The following SFMBT2 variants were observed in gnomAD, a reference collection of about 807,000 sequenced individuals.
The protein encoded by SFMBT2 is scm-like with four MBT domains protein 2.
In SFMBT2, 38 loss-of-function variants were observed where a neutral mutation model predicts 110.1. That is an observed-to-expected ratio of 0.35 (90% confidence interval 0.27 to 0.45). SFMBT2 has a LOEUF of 0.45. Among genes scored for constraint, SFMBT2 ranks in the 20% least tolerant of loss-of-function variants. SFMBT2 has a pLI of 1.00. For missense variants in SFMBT2, 1,011 were observed against 1,094.9 expected, an observed-to-expected ratio of 0.92 and a Z score of 1.08; for synonymous variants, 425 against 425.4, an observed-to-expected ratio of 1.00 and a Z score of 0.01.
chr10:7,161,820 G>C lies in SFMBT2; in HGVS notation c.*1950C>G, dbSNP rs1032622696. 6.6e-6 allele frequency: 1 copy of C among 152,196 alleles called. No homozygotes were observed. The highest frequency in any genetic ancestry group is 1.5e-5 in the Non-Finnish European group (1 of 68,048). The allele number at this position is 152,196 out of a possible 1,614,324, so 9.4% of individuals were successfully genotyped here. Reference sequence around the variant, plus strand: ...ATCAAAGTTTCCAAAATCCCACTGAGAATCATATCTGGAAATGTCACAGAA... The same window carrying C: ...ATCAAAGTTTCCAAAATCCCACTGACAATCATATCTGGAAATGTCACAGAA... On this transcript the variant is annotated 3_prime_UTR_variant, in exon 21 of 21. Coordinates refer to ENST00000397167, the MANE Select transcript of SFMBT2 (RefSeq NM_001387889.1).
chr10:7,251,564 T>C (rs1840813179), intron 7 of SFMBT2, among the ~76,000 whole-genome samples: 2 of 152,194 alleles, frequency 1.3e-5, no homozygotes, highest in South Asian at 4.1e-4. Context: ...GTAAATATCC[T>C]TCCCCATTTA....
chr10:7,343,734 C>A (rs1844004964), intron 4 of SFMBT2, among the ~76,000 whole-genome samples: 1 of 152,094 alleles, frequency 6.6e-6, no homozygotes, highest in Non-Finnish European at 1.5e-5. Flanking sequence ...TTTTTAGAAG[C>A]CTTTCTACAC....
intron 4 of SFMBT2, among the ~76,000 whole-genome samples, chr10:7,364,870 A>G (rs989037181): frequency 1.2e-4 from 18 of 152,244 alleles, no homozygotes; most frequent in Non-Finnish European, 4.4e-5. Flanking sequence ...GGATGGGGGA[A>G]GGTCTCTAAA....
intron 4 of SFMBT2, among the ~76,000 whole-genome samples, chr10:7,299,478 A>T (rs1395493082): frequency 2.0e-5 from 3 of 152,254 alleles, no homozygotes; most frequent in Non-Finnish European, 4.4e-5. Flanking sequence ...AAAGATATTT[A>T]AAAAAGCTCA....
intron 4 of SFMBT2, among the ~76,000 whole-genome samples, chr10:7,342,577 A>T (rs1427269808): frequency 6.6e-6 from 1 of 151,516 alleles, no homozygotes; most frequent in Non-Finnish European, 1.5e-5. Context: ...CCCAGCTAAT[A>T]TTTTTGAATT....
intron 3 of SFMBT2, 145 bp from the exon 4 acceptor site, chr10:7,368,034 C>T: frequency 8.3e-7 from 1 of 1,207,200 alleles, no homozygotes; most frequent in South Asian, 1.7e-5. Context: ...AAGTAATACA[C>T]TATGGAAGCC....
chr10:7,248,230 C>T (rs1223184690), intron 8 of SFMBT2, among the ~76,000 whole-genome samples: 2 of 152,226 alleles, frequency 1.3e-5, no homozygotes, highest in Non-Finnish European at 2.9e-5. Context: ...ATCATATTTA[C>T]TACTACCCAT....
intron 1 of SFMBT2, among the ~76,000 whole-genome samples, chr10:7,394,463 T>C (rs1045042604): frequency 1.3e-4 from 19 of 151,262 alleles, no homozygotes; most frequent in African/African-American, 4.6e-4. Flanking sequence ...TCCTAGTTCT[T>C]CCATATCTGT....
At chr10:7,277,183 C>A (rs1057255147) in intron 6 of SFMBT2, among the ~76,000 whole-genome samples, 194 bp from the exon 7 acceptor site, 15 of 152,204 alleles carry the variant, frequency 9.9e-5, no homozygotes, top group Non-Finnish European at 1.5e-4. Flanking sequence ...ACTTGGGATT[C>A]TGCTGTCAGA....
chr10:7,273,394 T>C (rs1045966543), intron 7 of SFMBT2, among the ~76,000 whole-genome samples: 24 of 152,224 alleles, frequency 1.6e-4, no homozygotes, highest in Non-Finnish European at 3.1e-4. Context: ...AAAGAAACAG[T>C]GAACTTCAGC....
At chr10:7,168,116 AG>A (rs1244142165) in intron 20 of SFMBT2, among the ~76,000 whole-genome samples, 3 of 152,050 alleles carry the variant, frequency 2.0e-5, no homozygotes, top group African/African-American at 7.2e-5. Flanking sequence ...CAGTGTCGGC[AG>A]TGTTCCATTT....
chr10:7,265,915 C>T (rs1421985038), intron 7 of SFMBT2, among the ~76,000 whole-genome samples: 2 of 152,132 alleles, frequency 1.3e-5, no homozygotes, highest in Non-Finnish European at 2.9e-5. Flanking sequence ...GCAGAGCCTG[C>T]ATTCTAGCTA....
intron 9 of SFMBT2, 38 bp downstream of exon 9, chr10:7,243,520 G>C (rs1564401813): frequency 4.6e-6 from 4 of 867,848 alleles, no homozygotes. Flanking sequence ...ACACCCTCCT[G>C]AATCTCCAGA....
intron 7 of SFMBT2, among the ~76,000 whole-genome samples, chr10:7,274,848 G>A (rs1266627724): frequency 2.7e-5 from 4 of 149,696 alleles, no homozygotes; most frequent in African/African-American, 9.8e-5. Flanking sequence ...GAGTGACACC[G>A]TTTCTCCAAA....
chr10:7,188,513 T>A, intron 16 of SFMBT2, 111 bp downstream of exon 16: 1 of 796,376 alleles, frequency 1.3e-6, no homozygotes, highest in Non-Finnish European at 2.0e-6. Flanking sequence ...ACGAACGTCC[T>A]TCAGTTTGTT....
At chr10:7,194,457 G>A (rs1160990012) in intron 15 of SFMBT2, among the ~76,000 whole-genome samples, 3 of 152,100 alleles carry the variant, frequency 2.0e-5, no homozygotes, top group Admixed American at 1.3e-4. Flanking sequence ...ACCCCGAGAC[G>A]TCTATTTCTG....
At chr10:7,221,363 T>G (rs773480155) in intron 10 of SFMBT2, among the ~76,000 whole-genome samples, 25 of 151,860 alleles carry the variant, frequency 1.6e-4, no homozygotes, top group Non-Finnish European at 3.4e-4. Flanking sequence ...GGTCAGGAGT[T>G]CAAGACCAGC....
At chr10:7,217,032 CAT>C (rs1377515967) in intron 11 of SFMBT2, among the ~76,000 whole-genome samples, 1 of 152,160 alleles carries the variant, frequency 6.6e-6, no homozygotes, top group African/African-American at 2.4e-5. Flanking sequence ...AGTAGATAAA[CAT>C]AAAGCATTAT....
chr10:7,336,810 G>A (rs1310127338), intron 4 of SFMBT2, among the ~76,000 whole-genome samples: 1 of 152,196 alleles, frequency 6.6e-6, no homozygotes, highest in African/African-American at 2.4e-5. Flanking sequence ...TTCACACTAA[G>A]AGAACTGCTG....
Sources: gnomAD v4.1 joint callset for allele counts (sites outside exome capture counted in the v4.1 genomes callset) on GRCh38, gnomAD v4.1.1 for gene constraint, MANE v1.5 for transcripts, NCBI Gene and HGNC (gene_info 2026-07-23, HGNC 2026-07-21) for gene names.